The following CKMT2 variants were observed in gnomAD, a reference collection of about 807,000 sequenced individuals.
The protein encoded by CKMT2 is creatine kinase S-type, mitochondrial.
A neutral mutation model predicts 48.9 loss-of-function variants in CKMT2; 43 were observed. The observed-to-expected ratio is 0.88, with a 90% CI of 0.69 to 1.13. The LOEUF is 1.13. Ranked by LOEUF, CKMT2 falls within the 50% of genes most tolerant of loss-of-function variation. The probability of loss-of-function intolerance (pLI) is 0.00; values close to 1 mark genes in which losing one functional copy is unlikely to be tolerated. For missense variants in CKMT2, 472 were observed against 555.4 expected (o/e 0.85, Z 1.51); for synonymous variants, 206 against 213.0 (o/e 0.97, Z 0.29).
chr5:81,261,705 A>G (rs1269506309), intron 8 of CKMT2, among the ~76,000 whole-genome samples: 1 of 152,234 alleles, frequency 6.6e-6, no homozygotes, highest in Non-Finnish European at 1.5e-5. Flanking sequence ...GGAGACAAAC[A>G]AATGGAAAAA....
chr5:81,249,983 C>T (rs920888217), intron 1 of CKMT2, among the ~76,000 whole-genome samples: 9 of 152,196 alleles, frequency 5.9e-5, no homozygotes, highest in African/African-American at 1.9e-4. Flanking sequence ...GATTATGTTA[C>T]ACCTCTTGAA....
At chr5:81,258,537 C>T (rs1314244942) in intron 7 of CKMT2, among the ~76,000 whole-genome samples, 1 of 152,128 alleles carries the variant, frequency 6.6e-6, no homozygotes, top group Non-Finnish European at 1.5e-5. Flanking sequence ...AGGCCAGGTA[C>T]TATGTTGACT....
chr5:81,241,796 T>C (rs546211382), intron 1 of CKMT2, among the ~76,000 whole-genome samples: 2 of 152,374 alleles, frequency 1.3e-5, no homozygotes, highest in African/African-American at 4.8e-5. Flanking sequence ...AAGATGTGCA[T>C]CACTAGTTTA....
rs556782142 is a variant in CKMT2, at chr5:81,255,087, C to G, written c.542C>G (p.Thr181Ser). The G allele has an allele frequency of 4.5e-4, 731 of 1,614,072 alleles. 11 individuals are homozygous for G. In the South Asian group the frequency reaches 7.6e-3, roughly 17 times the overall value. The change falls in exon 5 of 10, where the codon ACC becomes AGC. Residue 181 changes from threonine (T) to serine (S), a missense_variant. Physicochemically the swap from Thr to Ser is moderately conservative, Grantham distance 58 (BLOSUM62 1). Coordinates refer to ENST00000254035, the MANE Select transcript of CKMT2 (RefSeq NM_001099735.2). ...IRGLSLPPAC[T>S]RAERREVENV... ...GGGCTGAGCCTGCCTCCAGCCTGCA[C>G]CCGGGCCGAGCGAAGGGAGGTAGAG... is the stretch of plus-strand genomic sequence containing the variant.
At chr5:81,234,021 TAAAAA>T (rs536455571) in intron 1 of CKMT2, among the ~76,000 whole-genome samples, 23 of 91,906 alleles carry the variant, frequency 2.5e-4, no homozygotes, top group Admixed American at 5.0e-4. Context: ...GGAGGTTAAT[TAAAAA>T]AAAAAAAAAA....
intron 5 of CKMT2, among the ~76,000 whole-genome samples, chr5:81,256,260 T>C (rs1362236523): frequency 1.5e-5 from 2 of 135,452 alleles, no homozygotes; most frequent in Non-Finnish European, 3.4e-5. Flanking sequence ...CACAGAAGTC[T>C]ACATTTGAAT....
Position 81,254,500 on chromosome 5 carries a change from C to T in CKMT2, c.447+9C>T, listed in dbSNP as rs759752699. 5.0e-6 allele frequency: 8 copies of T among 1,610,768 alleles called. No individual in the cohort carries two copies. Among genetic ancestry groups the T allele is most frequent in the Non-Finnish European group, 6.8e-6 (8 of 1,176,968 alleles). On this transcript the variant is annotated intron_variant, in intron 4 of 9. Transcript: ENST00000254035. ...ATCTGGATGCATCAAAGGTAGGCTC[C>T]AGCCTCCCTCTCCTTCCCCACGAAG...
In CKMT2 at chr5:81,252,856, C is replaced by T. The variant is rs148799671; in HGVS notation, c.314C>T (p.Thr105Ile). The change falls in exon 3 of 10, where the codon ACT (threonine) becomes ATT (isoleucine). Residue 105 changes from threonine to isoleucine, a missense_variant. Thr to Ile is a moderately conservative substitution (Grantham distance 89). Transcript: ENST00000254035. Reference sequence around the variant, plus strand: ...AACCCTGGCCACCCCTTCATAAAGACTGTGGGCATGGTGGCTGGTGACGAG... The same window carrying T: ...AACCCTGGCCACCCCTTCATAAAGATTGTGGGCATGGTGGCTGGTGACGAG... ...VDNPGHPFIK[T>I]VGMVAGDEES... The T allele has an allele frequency of 1.2e-6, 2 of 1,614,100 alleles. No homozygotes were observed. Among genetic ancestry groups the T allele is most frequent in the Non-Finnish European group, 8.5e-7 (1 of 1,180,046 alleles).
At chr5:81,254,808 C>T in intron 4 of CKMT2, 185 bp from the exon 5 acceptor site, 1 of 620,466 alleles carries the variant, frequency 1.6e-6, no homozygotes. Flanking sequence ...AACAGCTTTC[C>T]CCTTTACTAG....
chr5:81,264,400 A>G (rs1757327304), intron 9 of CKMT2, among the ~76,000 whole-genome samples: 1 of 152,220 alleles, frequency 6.6e-6, no homozygotes, highest in Non-Finnish European at 1.5e-5. Context: ...TGGTTATTAA[A>G]TCTGTGGATT....
At chr5:81,262,968 A>G (rs539004326) in intron 8 of CKMT2, among the ~76,000 whole-genome samples, 46 of 152,344 alleles carry the variant, frequency 3.0e-4, no homozygotes, top group African/African-American at 1.1e-3. Context: ...AATGTGGCAC[A>G]CATACACCAT....
intron 3 of CKMT2, among the ~76,000 whole-genome samples, chr5:81,253,679 G>A (rs549525839): frequency 1.8e-4 from 27 of 152,234 alleles, no homozygotes; most frequent in African/African-American, 6.5e-4. Context: ...CACAACCCTG[G>A]GTCTAGTTTG....
At chr5:81,234,659 C>A (rs1756199280) in intron 1 of CKMT2, among the ~76,000 whole-genome samples, 1 of 151,638 alleles carries the variant, frequency 6.6e-6, no homozygotes, top group African/African-American at 2.4e-5. Flanking sequence ...GCCACATGCA[C>A]CCCATGGACT....
At chr5:81,249,642 A>G (rs1260180339) in intron 1 of CKMT2, among the ~76,000 whole-genome samples, 1 of 129,356 alleles carries the variant, frequency 7.7e-6, no homozygotes, top group Non-Finnish European at 1.7e-5. Flanking sequence ...AGATTTATAC[A>G]TGTTTTCTCC....
intron 1 of CKMT2, among the ~76,000 whole-genome samples, chr5:81,249,595 G>T (rs871701): frequency 2.0e-5 from 3 of 152,080 alleles, no homozygotes; most frequent in African/African-American, 7.2e-5. Flanking sequence ...TGGTAGTTCA[G>T]TACTTGTATT....
At chr5:81,236,666 G>A (rs1176678201) in intron 1 of CKMT2, among the ~76,000 whole-genome samples, 1 of 152,180 alleles carries the variant, frequency 6.6e-6, no homozygotes, top group Admixed American at 6.5e-5. Flanking sequence ...GCAAAGTGAA[G>A]GACCTGTTCA....
intron 3 of CKMT2, 119 bp downstream of exon 3, chr5:81,253,012 C>A: frequency 8.9e-7 from 1 of 1,124,238 alleles, no homozygotes; most frequent in Non-Finnish European, 1.3e-6. Flanking sequence ...TCAGGAAGGG[C>A]TCTCATAAAG....
chr5:81,250,115 C>CATCA (rs1274280268), intron 1 of CKMT2, among the ~76,000 whole-genome samples: 3 of 152,080 alleles, frequency 2.0e-5, no homozygotes, highest in African/African-American at 4.8e-5. Context: ...ACATTCTATC[C>CATCA]ATCATATCTC....
chr5:81,249,992 A>T (rs966580235), intron 1 of CKMT2, among the ~76,000 whole-genome samples: 1 of 152,170 alleles, frequency 6.6e-6, no homozygotes, highest in Non-Finnish European at 1.5e-5. Flanking sequence ...ACACCTCTTG[A>T]ATCATGGATT....
Sources: gnomAD v4.1 joint callset for allele counts (sites outside exome capture counted in the v4.1 genomes callset) on GRCh38, gnomAD v4.1.1 for gene constraint, MANE v1.5 for transcripts, NCBI Gene and HGNC (gene_info 2026-07-23, HGNC 2026-07-21) for gene names.